RNF13: variants seen among roughly 807,000 people sequenced by gnomAD.
RNF13 encodes ring finger protein 13.
RNF13 carries 19 observed loss-of-function variants against 37.7 expected under a neutral mutation model. The observed-to-expected ratio is 0.50, with a 90% CI of 0.35 to 0.74. The LOEUF (loss-of-function observed/expected upper bound fraction) is 0.74, where lower values mean the gene tolerates loss of function less well. RNF13 is among the 30% of genes least tolerant of loss of function. The pLI is 0.01. For synonymous variants in RNF13, 144 were observed against 157.8 expected (o/e 0.91, Z 0.65); for missense variants, 375 against 453.0 (o/e 0.83, Z 1.56).
intron 1 of RNF13, among the ~76,000 whole-genome samples, chr3:149,827,945 C>T (rs986276646): frequency 3.3e-5 from 5 of 149,870 alleles, no homozygotes; most frequent in African/African-American, 7.4e-5. Flanking sequence ...CCCTATCTCT[C>T]TATTTTTTTT....
intron 1 of RNF13, among the ~76,000 whole-genome samples, chr3:149,835,437 C>G (rs926690739): frequency 6.6e-6 from 1 of 152,022 alleles, no homozygotes; most frequent in Non-Finnish European, 1.5e-5. Flanking sequence ...TACCCTTTCC[C>G]CTGAGTCCCT....
chr3:149,859,709 A>G (rs775749513), intron 3 of RNF13, among the ~76,000 whole-genome samples: 48 of 152,128 alleles, frequency 3.2e-4, no homozygotes, highest in Non-Finnish European at 6.2e-4. Context: ...AGAGTGATAC[A>G]TGCTCACCAT....
At chr3:149,889,042 G>A (rs982855224) in intron 4 of RNF13, among the ~76,000 whole-genome samples, 11 of 152,006 alleles carry the variant, frequency 7.2e-5, no homozygotes, top group East Asian at 1.9e-4. Flanking sequence ...GGGTTCAAGC[G>A]ATTCTCCTGC....
Position 149,960,886 on chromosome 3 carries a change from C to T in RNF13, c.928C>T (p.Pro310Ser), listed in dbSNP as rs1174527786. 6.2e-7 allele frequency: 1 copy of T among 1,614,034 alleles called. No homozygotes were observed. Among genetic ancestry groups the T allele is most frequent in the East Asian group, 2.2e-5 (1 of 44,886 alleles). The change falls in exon 10 of 10, where the codon CCT becomes TCT. Residue 310 changes from proline to serine, a missense_variant. By Grantham distance (74) the Pro-to-Ser change is moderately conservative. Coordinates refer to ENST00000392894, the MANE Select transcript of RNF13 (RefSeq NM_183381.3). ...QEENEVTEHT[P>S]LLRPLASVSA... ...AGAAAATGAAGTGACAGAACATACC[C>T]CTTTACTGAGACCTTTAGCTTCTGT... is the stretch of plus-strand genomic sequence containing the variant.
rs1553775775 is a variant in RNF13 at position 149,961,361 on chromosome 3, T to TAAAAAAAAAACATA, written c.*267_*268insCATAAAAAAAAAAA. The TAAAAAAAAAACATA allele has an allele frequency of 1.9e-6, 1 of 525,230 alleles. No individual in the cohort carries two copies. Among genetic ancestry groups the TAAAAAAAAAACATA allele is most frequent in the Admixed American group, 2.5e-5 (1 of 39,674 alleles). 32.5% of individuals were successfully genotyped at this position (525,230 alleles called of 1,614,324 possible). ...TTGGAATGAAAGTATAGCCAAAACA[T>TAAAAAAAAAACATA]AAAAAAAAAAAAATCCTCAGTATAG... is the stretch of plus-strand genomic sequence containing the variant. On this transcript the variant is annotated 3_prime_UTR_variant, in exon 10 of 10. Transcript: ENST00000392894.
At position 149,879,064 on chromosome 3, in the gene RNF13, A is replaced by G. The variant is rs145228715; in HGVS notation, c.321+6910A>G. Among the ~76,000 whole-genome samples the G allele has an allele frequency of 5.0e-3, 758 of 152,312 alleles. 5 individuals are homozygous for G. The highest frequency in any genetic ancestry group is 0.017 in the African/African-American group (716 of 41,572). ...ACCCAATTTATAACTAGAAGTTTGAAGAGGCCAGGCTCCAGAACCATCCAG... is the reference window on the plus strand; with the variant it reads ...ACCCAATTTATAACTAGAAGTTTGAGGAGGCCAGGCTCCAGAACCATCCAG... On this transcript the variant is annotated intron_variant, in intron 4 of 9. Transcript: ENST00000392894.
At chr3:149,897,102 G>C (rs139768446) in intron 5 of RNF13, among the ~76,000 whole-genome samples, 8 of 152,216 alleles carry the variant, frequency 5.3e-5, no homozygotes, top group African/African-American at 1.9e-4. Context: ...AATTATCCCA[G>C]TTGATACATC....
chr3:149,818,149 A>G (rs1559884346), intron 1 of RNF13, among the ~76,000 whole-genome samples: 3 of 152,200 alleles, frequency 2.0e-5, no homozygotes, highest in Non-Finnish European at 4.4e-5. Context: ...CTTGGATCCT[A>G]CTACTTAGGG....
chr3:149,860,227 C>A (rs1197573389), intron 3 of RNF13, among the ~76,000 whole-genome samples: 1 of 139,938 alleles, frequency 7.1e-6, no homozygotes, highest in East Asian at 2.1e-4. Context: ...CACTGCACCC[C>A]AGCCTGGGCA....
At chr3:149,936,842 T>C (rs1219438032) in intron 8 of RNF13, among the ~76,000 whole-genome samples, 1 of 152,186 alleles carries the variant, frequency 6.6e-6, no homozygotes, top group Non-Finnish European at 1.5e-5. Flanking sequence ...CTATCTGCCT[T>C]TGCTTGGTCT....
At chr3:149,903,935 CTA>C (rs1167525182) in intron 6 of RNF13, among the ~76,000 whole-genome samples, 1 of 142,824 alleles carries the variant, frequency 7.0e-6, no homozygotes, top group Non-Finnish European at 1.6e-5. Flanking sequence ...ATATATCTGT[CTA>C]TCTGTCTGTC....
intron 1 of RNF13, among the ~76,000 whole-genome samples, chr3:149,821,134 G>T (rs1054396446): frequency 1.3e-5 from 2 of 152,068 alleles, no homozygotes; most frequent in African/African-American, 4.8e-5. Flanking sequence ...GAATATTTGT[G>T]TCCAAGGATT....
intron 2 of RNF13, among the ~76,000 whole-genome samples, chr3:149,849,282 C>CA (rs1722926820): frequency 6.6e-6 from 1 of 152,166 alleles, no homozygotes; most frequent in Non-Finnish European, 1.5e-5. Context: ...ATATGAGAGT[C>CA]AAACAACCCA....
intron 4 of RNF13, among the ~76,000 whole-genome samples, chr3:149,877,025 C>T (rs1396631784): frequency 1.3e-5 from 2 of 151,966 alleles, no homozygotes; most frequent in Non-Finnish European, 2.9e-5. Context: ...GGTGATCCAC[C>T]CGCCTCGGCC....
intron 8 of RNF13, among the ~76,000 whole-genome samples, chr3:149,928,169 T>G (rs1043278004): frequency 1.2e-4 from 18 of 152,062 alleles, no homozygotes; most frequent in Non-Finnish European, 2.5e-4. Flanking sequence ...TCCAAGAACT[T>G]TTTTTGCAGA....
rs371448644 is a variant in RNF13, at chr3:149,895,556, C to T, written c.405C>T (p.Asn135=). 28 of 1,582,776 alleles carry T rather than the reference C, an allele frequency of 1.8e-5. No homozygotes were observed. Among genetic ancestry groups the T allele is most frequent in the East Asian group, 1.1e-4 (5 of 44,438 alleles). Residue 135 remains asparagine, a synonymous_variant, in exon 5 of 10, where the codon AAC becomes AAT. Transcript: ENST00000392894. ...ATGACCTCATTAGCATGGGATCCAA[C>T]GACAGTAAGTACAGGTATCACTTTT... ...DSDDLISMGS[N]DIEVLKKIDI...
At chr3:149,904,794 A>T (rs1170871391) in intron 6 of RNF13, among the ~76,000 whole-genome samples, 1 of 152,108 alleles carries the variant, frequency 6.6e-6, no homozygotes, top group Admixed American at 6.5e-5. Flanking sequence ...ACTTTAATTT[A>T]TTCTTTAGTT....
chr3:149,880,081 G>C (rs1713211544), intron 4 of RNF13, among the ~76,000 whole-genome samples: 1 of 152,188 alleles, frequency 6.6e-6, no homozygotes, highest in Non-Finnish European at 1.5e-5. Context: ...GTCGCTGGGT[G>C]GCGCTGAACA....
chr3:149,872,257 C>A, intron 4 of RNF13, 103 bp downstream of exon 4: 1 of 764,192 alleles, frequency 1.3e-6, no homozygotes, highest in Non-Finnish European at 2.0e-6. Context: ...AATTTAAAAT[C>A]CAGTAAGATT....
Sources: allele counts gnomAD v4.1 joint callset (sites outside exome capture counted in the v4.1 genomes callset), GRCh38; gene constraint gnomAD v4.1.1; transcripts MANE v1.5; gene names NCBI Gene and HGNC (gene_info 2026-07-23, HGNC 2026-07-21).